NARS2: variants seen among roughly 807,000 people sequenced by gnomAD.
NARS2 encodes asparaginyl-tRNA synthetase.
Under a neutral mutation model 62.9 loss-of-function variants are expected in NARS2, and 60 were observed. That is an observed-to-expected ratio of 0.95 (90% CI 0.77 to 1.18). The LOEUF (loss-of-function observed/expected upper bound fraction) is 1.18, where lower values mean the gene tolerates loss of function less well. Among genes scored for constraint, NARS2 ranks in the 50% most tolerant of loss-of-function variants. NARS2 has a pLI of 0.00. For missense variants in NARS2, 619 were observed against 576.4 expected, an observed-to-expected ratio of 1.07 and a Z score of -0.76; for synonymous variants, 196 against 200.0, an observed-to-expected ratio of 0.98 and a Z score of 0.17.
intron 5 of NARS2, among the ~76,000 whole-genome samples, chr11:78,537,515 G>C (rs1263705544): frequency 6.6e-6 from 1 of 152,118 alleles, no homozygotes. Context: ...TAATTTGAGG[G>C]GCCAGGTATA....
At chr11:78,446,510 T>TA (rs1857766283) in intron 11 of NARS2, among the ~76,000 whole-genome samples, 1 of 152,192 alleles carries the variant, frequency 6.6e-6, no homozygotes. Flanking sequence ...AGACACATGG[T>TA]AAAAATTTTG....
At chr11:78,459,255 T>G (rs868649260) in intron 11 of NARS2, among the ~76,000 whole-genome samples, 11 of 149,984 alleles carry the variant, frequency 7.3e-5, no homozygotes, top group South Asian at 2.1e-4. Context: ...CGTTGTTTTT[T>G]TTTTGTTTTG....
At chr11:78,509,636 A>G (rs1172301443) in intron 6 of NARS2, among the ~76,000 whole-genome samples, 1 of 152,108 alleles carries the variant, frequency 6.6e-6, no homozygotes, top group Non-Finnish European at 1.5e-5. Context: ...CATTTCAAAG[A>G]TTTATTCATG....
intron 6 of NARS2, among the ~76,000 whole-genome samples, chr11:78,503,109 A>C (rs189361974): frequency 6.6e-6 from 1 of 152,186 alleles, no homozygotes; most frequent in East Asian, 1.9e-4. Context: ...TTATAACTTC[A>C]GAAACTGAGG....
chr11:78,488,759 C>T (rs773813884), intron 7 of NARS2, among the ~76,000 whole-genome samples: 2 of 152,056 alleles, frequency 1.3e-5, no homozygotes, highest in African/African-American at 2.4e-5. Context: ...AAGTAGAATA[C>T]GGAACAGAAT....
chr11:78,517,738 T>C (rs994460096), intron 6 of NARS2, among the ~76,000 whole-genome samples: 10 of 152,194 alleles, frequency 6.6e-5, no homozygotes, highest in Non-Finnish European at 2.9e-5. Context: ...TAAAAGCCAT[T>C]GCACTTGCTG....
rs151181229 is a variant in NARS2, at chr11:78,506,408, C to A, written c.690-13213G>T. On this transcript the variant is annotated intron_variant, in intron 6 of 13. Transcript: ENST00000281038. The stretch of plus-strand genomic sequence containing the variant: ...AGAGAGCTTCATCATCACAATAGCT[C>A]CACACGCAGGAAACAACTAAGTATC... Among the ~76,000 whole-genome samples, 26 of 152,310 alleles carry A rather than the reference C, an allele frequency of 1.7e-4. No individual in the cohort carries two copies. The East Asian group carries it at 4.8e-3, about 28-fold the overall frequency.
At chr11:78,476,429 T>G (rs950625299) in intron 9 of NARS2, among the ~76,000 whole-genome samples, 1 of 152,216 alleles carries the variant, frequency 6.6e-6, no homozygotes, top group African/African-American at 2.4e-5. Flanking sequence ...AAGGGGAATC[T>G]TCTGTGTGTG....
intron 11 of NARS2, among the ~76,000 whole-genome samples, chr11:78,446,134 C>T (rs921769790): frequency 6.6e-6 from 1 of 152,150 alleles, no homozygotes; most frequent in Non-Finnish European, 1.5e-5. Context: ...TGTCACATTA[C>T]ATTATAAACA....
intron 5 of NARS2, among the ~76,000 whole-genome samples, chr11:78,529,614 A>G (rs1299347346): frequency 1.3e-5 from 2 of 152,224 alleles, no homozygotes; most frequent in African/African-American, 4.8e-5. Context: ...CCTGGAGGCT[A>G]AACACAAACA....
Position 78,465,920 on chromosome 11 carries a change from T to A in NARS2, c.1120A>T (p.Lys374Ter). 1 of 1,614,044 alleles carries A rather than the reference T, an allele frequency of 6.2e-7. No homozygotes were observed. Among genetic ancestry groups the A allele is most frequent in the Admixed American group, 1.7e-5 (1 of 60,010 alleles). Reference sequence around the variant, plus strand: ...TCATTATCCCTCATGTAGAAAGGCTTGAGTGTTAATGGATAATTAATAACG... The same window carrying A: ...TCATTATCCCTCATGTAGAAAGGCTAGAGTGTTAATGGATAATTAATAACG... ...VFVINYPLTL[K>*]PFYMRDNEDG... Residue 374 changes from lysine to a stop codon, truncating the protein, a stop_gained, in exon 11 of 14, where the codon AAG becomes TAG. Transcript: ENST00000281038. LOFTEE classifies it high-confidence loss of function.
intron 5 of NARS2, 78 bp from the exon 6 acceptor site, chr11:78,529,014 C>A: frequency 2.2e-6 from 2 of 907,084 alleles, no homozygotes; most frequent in Non-Finnish European, 3.5e-6. Context: ...CATGTCACAA[C>A]TAAAAATCAC....
At chr11:78,452,695 C>T (rs1858015267) in intron 11 of NARS2, among the ~76,000 whole-genome samples, 1 of 152,186 alleles carries the variant, frequency 6.6e-6, no homozygotes, top group Non-Finnish European at 1.5e-5. Flanking sequence ...AGGCATGAGT[C>T]ACCATGCCCA....
chr11:78,515,045 G>A (rs1860853099), intron 6 of NARS2, among the ~76,000 whole-genome samples: 1 of 152,212 alleles, frequency 6.6e-6, no homozygotes, highest in African/African-American at 2.4e-5. Flanking sequence ...CTGAAGGACA[G>A]AAAACAGATG....
Position 78,439,407 on chromosome 11 carries a change from T to C in NARS2, c.1289+1684A>G, listed in dbSNP as rs114271893. On this transcript the variant is annotated intron_variant, in intron 13 of 13. Transcript: ENST00000281038. ...AGGCTAGTTTTTACAAACTATAAAA[T>C]ACATAAGCTTGCTCAATCATCAGGC... 6.1e-3 allele frequency among the ~76,000 whole-genome samples: 926 copies of C among 152,110 alleles called. 7 individuals are homozygous for C. Among genetic ancestry groups the C allele is most frequent in the African/African-American group, 0.021 (866 of 41,516 alleles).
chr11:78,545,482 G>T (rs578258724), intron 5 of NARS2, among the ~76,000 whole-genome samples: 19 of 149,804 alleles, frequency 1.3e-4, no homozygotes, highest in African/African-American at 4.7e-4. Context: ...TCTTTCCCAG[G>T]TATCAACATT....
intron 5 of NARS2, among the ~76,000 whole-genome samples, chr11:78,538,364 T>TGA (rs1345219930): frequency 6.6e-6 from 1 of 152,058 alleles, no homozygotes; most frequent in Non-Finnish European, 1.5e-5. Flanking sequence ...CTGTGCTACA[T>TGA]GAGAGAGAGC....
intron 7 of NARS2, among the ~76,000 whole-genome samples, chr11:78,484,584 T>C (rs1444097579): frequency 1.3e-5 from 2 of 152,164 alleles, no homozygotes; most frequent in Non-Finnish European, 2.9e-5. Context: ...GTGAAGGATA[T>C]GAACAGACAC....
At chr11:78,489,613 A>C (rs1591196061) in intron 7 of NARS2, among the ~76,000 whole-genome samples, 1 of 152,176 alleles carries the variant, frequency 6.6e-6, no homozygotes, top group African/African-American at 2.4e-5. Context: ...AATGGCAGGG[A>C]GTGGGGAGGG....
Sources: gnomAD v4.1 joint callset for allele counts (sites outside exome capture counted in the v4.1 genomes callset) on GRCh38, gnomAD v4.1.1 for gene constraint, MANE v1.5 for transcripts, NCBI Gene and HGNC (gene_info 2026-07-23, HGNC 2026-07-21) for gene names.